Variants in KIF21A observed in about 807,000 individuals in gnomAD.
KIF21A encodes kinesin-like protein KIF21A.
Under a neutral mutation model 202.9 loss-of-function variants are expected in KIF21A, and 114 were observed. That is an observed-to-expected ratio of 0.56 (90% CI 0.48 to 0.66). KIF21A has a LOEUF of 0.66. Among genes scored for constraint, KIF21A ranks in the 30% least tolerant of loss-of-function variants. The pLI is 0.00. For synonymous variants in KIF21A, 667 were observed against 670.8 expected (o/e 0.99, Z 0.09); for missense variants, 1,677 against 1,994.9 (o/e 0.84, Z 3.04).
At chr12:39,362,900 A>G (rs763410053) in intron 7 of KIF21A, among the ~76,000 whole-genome samples, 198 bp downstream of exon 7, 8 of 152,204 alleles carry the variant, frequency 5.3e-5, no homozygotes, top group Non-Finnish European at 7.3e-5. Flanking sequence ...AATAATACCT[A>G]CACCTCAAGG....
At chr12:39,307,452 T>C in intron 34 of KIF21A, 113 bp downstream of exon 34, 1 of 938,448 alleles carries the variant, frequency 1.1e-6, no homozygotes, top group South Asian at 1.5e-5. Context: ...AAGCCTATGA[T>C]TTTACATTAA....
intron 25 of KIF21A, 48 bp downstream of exon 25, chr12:39,326,216 T>G (rs776821331): frequency 7.5e-7 from 1 of 1,332,062 alleles, no homozygotes; most frequent in Non-Finnish European, 1.1e-6. Context: ...TGAAAGTATT[T>G]AAAATATGTA....
chr12:39,370,642 G>C (rs1949891887), intron 1 of KIF21A, among the ~76,000 whole-genome samples: 1 of 151,822 alleles, frequency 6.6e-6, no homozygotes, highest in Non-Finnish European at 1.5e-5. Context: ...TTTATTTCCA[G>C]TGATGATAGT....
intron 1 of KIF21A, among the ~76,000 whole-genome samples, chr12:39,424,149 AG>A (rs946540886): frequency 8.5e-6 from 1 of 118,184 alleles, no homozygotes; most frequent in African/African-American, 3.3e-5. Flanking sequence ...CCACTAAAGC[AG>A]CTCATATTTG....
intron 11 of KIF21A, 121 bp downstream of exon 11, chr12:39,351,656 C>T (rs1040821184): frequency 1.6e-6 from 1 of 640,650 alleles, no homozygotes. Context: ...TTTCAGCTAA[C>T]ATAGTGATTT....
At chr12:39,323,102 A>G (rs993629131) in intron 26 of KIF21A, among the ~76,000 whole-genome samples, 2 of 152,326 alleles carry the variant, frequency 1.3e-5, no homozygotes, top group East Asian at 1.9e-4. Context: ...TTGTACTTAT[A>G]TGCCAGGCAC....
intron 1 of KIF21A, among the ~76,000 whole-genome samples, chr12:39,416,318 G>A (rs1229205778): frequency 6.6e-6 from 1 of 152,000 alleles, no homozygotes; most frequent in East Asian, 1.9e-4. Context: ...CTTGACAGCC[G>A]AGCGTGGTGG....
intron 7 of KIF21A, among the ~76,000 whole-genome samples, chr12:39,360,084 G>A (rs1417050864): frequency 2.6e-5 from 4 of 152,008 alleles, no homozygotes; most frequent in Admixed American, 2.0e-4. Flanking sequence ...GTGAAAGTCA[G>A]GAATAAGAGT....
intron 1 of KIF21A, among the ~76,000 whole-genome samples, chr12:39,423,539 T>C (rs376090554): frequency 1.3e-5 from 2 of 150,766 alleles, no homozygotes; most frequent in Non-Finnish European, 2.9e-5. Context: ...TTAAAATCAT[T>C]CTCATTTTTG....
intron 1 of KIF21A, among the ~76,000 whole-genome samples, chr12:39,371,089 G>A (rs911179774): frequency 4.6e-5 from 7 of 151,902 alleles, no homozygotes; most frequent in Non-Finnish European, 1.0e-4. Flanking sequence ...TTATTATACT[G>A]CATTATTTAG....
At chr12:39,416,581 G>A (rs892205525) in intron 1 of KIF21A, among the ~76,000 whole-genome samples, 8 of 147,390 alleles carry the variant, frequency 5.4e-5, no homozygotes, top group Non-Finnish European at 1.2e-4. Flanking sequence ...GGGTGACAGA[G>A]TGAGATCCGC....
At chr12:39,325,929 T>A (rs1945853902) in intron 25 of KIF21A, 36 bp from the exon 26 acceptor site, 2 of 1,543,170 alleles carry the variant, frequency 1.3e-6, no homozygotes, top group African/African-American at 1.4e-5. Flanking sequence ...CAAGATTAAA[T>A]AGAAAATTAT....
chr12:39,321,212 T>G (rs1945214603), intron 27 of KIF21A: 1 of 152,100 alleles, frequency 6.6e-6, no homozygotes, highest in Admixed American at 6.5e-5. Flanking sequence ...TATAAAGAAT[T>G]ACAAATATAT....
At chr12:39,296,005 TG>T (rs1449805970) in intron 37 of KIF21A, among the ~76,000 whole-genome samples, 1 of 129,066 alleles carries the variant, frequency 7.7e-6, no homozygotes. Context: ...CCCTGGGATA[TG>T]GTTTTTTTGT....
chr12:39,375,809 C>T (rs950268352), intron 1 of KIF21A, among the ~76,000 whole-genome samples: 1 of 152,172 alleles, frequency 6.6e-6, no homozygotes, highest in African/African-American at 2.4e-5. Flanking sequence ...TACATACTAG[C>T]GACCTTTGGC....
chr12:39,350,579 C>T (rs78090720), intron 11 of KIF21A, among the ~76,000 whole-genome samples: 10,903 of 151,902 alleles, frequency 0.072, 745 homozygotes, highest in East Asian at 0.31. Flanking sequence ...TTCGATAATC[C>T]TATGATCATT....
chr12:39,429,823 G>A (rs1306563199), intron 1 of KIF21A, among the ~76,000 whole-genome samples: 1 of 151,780 alleles, frequency 6.6e-6, no homozygotes, highest in Non-Finnish European at 1.5e-5. Flanking sequence ...AGATGGAGAG[G>A]GAAAGAGGAA....
chr12:39,343,232 C>A (rs986960659), intron 12 of KIF21A, among the ~76,000 whole-genome samples: 19 of 152,062 alleles, frequency 1.2e-4, no homozygotes, highest in African/African-American at 4.3e-4. Context: ...TAGTGACGCA[C>A]ACTTGTAATC....
chr12:39,434,845 T>G (rs1938459810), intron 1 of KIF21A, among the ~76,000 whole-genome samples: 1 of 152,208 alleles, frequency 6.6e-6, no homozygotes, highest in Non-Finnish European at 1.5e-5. Flanking sequence ...CAAGGTCTCT[T>G]GTTCCCACTT....
Sources: allele counts gnomAD v4.1 joint callset (sites outside exome capture counted in the v4.1 genomes callset), GRCh38; gene constraint gnomAD v4.1.1; transcripts MANE v1.5; gene names NCBI Gene and HGNC (gene_info 2026-07-23, HGNC 2026-07-21).